PDE1C: variants seen among roughly 807,000 people sequenced by gnomAD.
PDE1C encodes the protein dual specificity calcium/calmodulin-dependent 3',5'-cyclic nucleotide phosphodiesterase 1C.
In PDE1C, 62 loss-of-function variants were observed where a neutral mutation model predicts 93.1. That is an observed-to-expected ratio of 0.67 (90% CI 0.54 to 0.82). The LOEUF (loss-of-function observed/expected upper bound fraction) is 0.82, where lower values mean the gene tolerates loss of function less well. PDE1C is among the 40% of genes least tolerant of loss of function. PDE1C has a pLI of 0.00. For missense variants in PDE1C, 742 were observed against 884.6 expected (o/e 0.84, Z 2.04); for synonymous variants, 325 against 310.1 (o/e 1.05, Z -0.50).
chr7:32,315,054 G>A (rs1185278765), intron 1 of PDE1C, among the ~76,000 whole-genome samples: 3 of 148,518 alleles, frequency 2.0e-5, no homozygotes, highest in African/African-American at 7.5e-5. Flanking sequence ...TGATGACAAT[G>A]ATAAGGATGC....
chr7:31,657,759 G>A, the PDE1C span, among the ~76,000 whole-genome samples: 1 of 151,654 alleles, frequency 6.6e-6, no homozygotes, highest in East Asian at 1.9e-4. Flanking sequence ...GAAAATAAAT[G>A]GTATCATTGT....
At chr7:32,205,500 T>C (rs572333220) in intron 2 of PDE1C, among the ~76,000 whole-genome samples, 1 of 152,020 alleles carries the variant, frequency 6.6e-6, no homozygotes, top group Admixed American at 6.5e-5. Context: ...CTCTGTAAAA[T>C]GGACCAATCA....
chr7:31,943,187 G>C (rs533688032), intron 2 of PDE1C, among the ~76,000 whole-genome samples: 2 of 152,306 alleles, frequency 1.3e-5, no homozygotes, highest in East Asian at 1.9e-4. Context: ...GGTTGCATGT[G>C]TAAGAGCTAT....
At chr7:32,400,125 T>A (rs931953506) in intron 1 of PDE1C, among the ~76,000 whole-genome samples, 3 of 152,200 alleles carry the variant, frequency 2.0e-5, no homozygotes, top group African/African-American at 7.2e-5. Flanking sequence ...CATAGTTCAC[T>A]GTGTATATGT....
At chr7:32,181,958 T>C (rs1053040123) in intron 2 of PDE1C, among the ~76,000 whole-genome samples, 11 of 152,100 alleles carry the variant, frequency 7.2e-5, no homozygotes, top group Non-Finnish European at 1.5e-4. Flanking sequence ...TAAAAAATGA[T>C]ACAGGGGATA....
At chr7:32,293,427 T>G (rs1206910036) in intron 1 of PDE1C, among the ~76,000 whole-genome samples, 1 of 152,186 alleles carries the variant, frequency 6.6e-6, no homozygotes, top group Non-Finnish European at 1.5e-5. Flanking sequence ...TCGGTCGAAG[T>G]GCAAATGCTG....
intron 2 of PDE1C, among the ~76,000 whole-genome samples, chr7:32,040,111 C>T (rs545822843): frequency 4.6e-5 from 7 of 152,036 alleles, no homozygotes; most frequent in Non-Finnish European, 8.8e-5. Context: ...ATTTATGAAA[C>T]ATAAGTCATA....
chr7:31,999,795 C>G (rs1299916177), intron 2 of PDE1C, among the ~76,000 whole-genome samples: 1 of 152,168 alleles, frequency 6.6e-6, no homozygotes, highest in South Asian at 2.1e-4. Context: ...GGAACCCTCA[C>G]ACACAGAGCA....
Position 31,912,418 on chromosome 7 carries a change from G to T in PDE1C, c.129-31558C>A, listed in dbSNP as rs755500247. On this transcript the variant is annotated intron_variant, in intron 2 of 17. Transcript: ENST00000396191. ...CATAGATAAAAGGCCGGGTGTGGTG[G>T]CTCATGCCTATAATCCCAGTACTTT... Among the ~76,000 whole-genome samples the T allele has an allele frequency of 2.6e-4, 39 of 152,196 alleles. 1 individual carries two copies. Among genetic ancestry groups the T allele is most frequent in the Non-Finnish European group, 4.3e-4 (29 of 68,040 alleles).
intron 1 of PDE1C, among the ~76,000 whole-genome samples, chr7:32,385,112 T>A (rs772282735): frequency 2.0e-5 from 3 of 152,232 alleles, no homozygotes; most frequent in African/African-American, 7.2e-5. Context: ...CTTCAATTCC[T>A]GGCTTCGGCA....
At chr7:32,314,620 T>A (rs917513226) in intron 1 of PDE1C, among the ~76,000 whole-genome samples, 2 of 152,154 alleles carry the variant, frequency 1.3e-5, no homozygotes, top group Non-Finnish European at 2.9e-5. Context: ...ATGCATCTCA[T>A]TTCAAGCCCT....
intron 2 of PDE1C, among the ~76,000 whole-genome samples, chr7:31,922,485 A>G (rs967471178): frequency 5.9e-5 from 9 of 152,192 alleles, no homozygotes; most frequent in African/African-American, 1.7e-4. Flanking sequence ...ATTTTTCTGA[A>G]TATGTATAAA....
intron 3 of PDE1C, among the ~76,000 whole-genome samples, chr7:32,097,996 C>T (rs888558673): frequency 6.6e-6 from 1 of 151,176 alleles, no homozygotes; most frequent in Non-Finnish European, 1.5e-5. Flanking sequence ...TTTGGGAGGC[C>T]GAGGCGGGCG....
chr7:31,638,932 A>T, the PDE1C span, among the ~76,000 whole-genome samples: 1 of 151,962 alleles, frequency 6.6e-6, no homozygotes, highest in Non-Finnish European at 1.5e-5. Flanking sequence ...ACCTGCCACC[A>T]CACCCGCTAA....
In PDE1C at chr7:32,255,768, G is replaced by A. The variant is rs373384982; in HGVS notation, c.85+42883C>T. ...ACAGAGGCAGAACAATAGGTGGCAA[G>A]CTTGGACATTACTAGCTCATCCTGT... On this transcript the variant is annotated intron_variant, in intron 1 of 18. Transcript: ENST00000396193. 2.6e-5 allele frequency among the ~76,000 whole-genome samples: 4 copies of A among 152,342 alleles called. No individual in the cohort carries two copies. In the East Asian group the frequency reaches 7.7e-4, roughly 29 times the overall value.
chr7:32,334,464 G>T (rs1482031502), intron 1 of PDE1C, among the ~76,000 whole-genome samples: 1 of 152,006 alleles, frequency 6.6e-6, no homozygotes, highest in Non-Finnish European at 1.5e-5. Flanking sequence ...GGTTATTGGG[G>T]TACAGGTGGT....
intron 2 of PDE1C, among the ~76,000 whole-genome samples, chr7:31,968,087 T>C (rs1810317123): frequency 6.6e-6 from 1 of 152,052 alleles, no homozygotes; most frequent in Non-Finnish European, 1.5e-5. Context: ...CTATTCAACA[T>C]AGTGTTGGAA....
chr7:32,165,541 T>G (rs946189458), intron 3 of PDE1C, among the ~76,000 whole-genome samples: 8 of 152,140 alleles, frequency 5.3e-5, no homozygotes, highest in Admixed American at 1.3e-4. Flanking sequence ...GTAAGGACCT[T>G]CTTCACATAG....
In PDE1C at chr7:31,952,056, C is replaced by T. The variant is rs532918371; in HGVS notation, c.129-71196G>A. Among the ~76,000 whole-genome samples the T allele has an allele frequency of 2.0e-4, 31 of 152,242 alleles. No homozygotes were observed. In the South Asian group the frequency reaches 4.4e-3, roughly 21 times the overall value. On this transcript the variant is annotated intron_variant, in intron 2 of 17. Transcript: ENST00000396191. ...ACTTCATAAATCCTCTCAATATATG[C>T]CTGTAATTACAGAGGGGAAAATTGA...
Sources: allele counts gnomAD v4.1 joint callset (sites outside exome capture counted in the v4.1 genomes callset), GRCh38; gene constraint gnomAD v4.1.1; transcripts MANE v1.5; gene names NCBI Gene and HGNC (gene_info 2026-07-23, HGNC 2026-07-21).